The following CNTNAP5 variants were observed in gnomAD, a reference collection of about 807,000 sequenced individuals.
CNTNAP5 encodes the protein contactin associated protein family member 5.
In CNTNAP5, 72 loss-of-function variants were observed where a neutral mutation model predicts 150.2. That is an observed-to-expected ratio of 0.48 (90% CI 0.40 to 0.58). The LOEUF (loss-of-function observed/expected upper bound fraction) is 0.58. Among genes scored for constraint, CNTNAP5 ranks in the 20% least tolerant of loss-of-function variants. CNTNAP5 has a pLI of 0.00. For synonymous variants in CNTNAP5, 672 were observed against 619.8 expected (o/e 1.08, Z -1.25); for missense variants, 1,636 against 1,626.2 (o/e 1.01, Z -0.10).
intron 6 of CNTNAP5, among the ~76,000 whole-genome samples, chr2:124,454,492 G>T (rs949807153): frequency 2.0e-5 from 3 of 152,082 alleles, no homozygotes; most frequent in Non-Finnish European, 2.9e-5. Flanking sequence ...AGGTCATCAA[G>T]ACAGAAAGTC....
At chr2:124,852,938 G>A (rs1683187132) in intron 19 of CNTNAP5, among the ~76,000 whole-genome samples, 3 of 152,216 alleles carry the variant, frequency 2.0e-5, no homozygotes, top group Non-Finnish European at 4.4e-5. Context: ...GTGCCATTAT[G>A]TGAGGTGGTA....
intron 12 of CNTNAP5, among the ~76,000 whole-genome samples, chr2:124,630,311 AC>A (rs1210869408): frequency 1.3e-5 from 2 of 152,108 alleles, no homozygotes; most frequent in Non-Finnish European, 2.9e-5. Context: ...GAACATTGAT[AC>A]AAAAATCTCC....
At chr2:124,625,005 A>G (rs145321354) in intron 12 of CNTNAP5, among the ~76,000 whole-genome samples, 5 of 152,326 alleles carry the variant, frequency 3.3e-5, no homozygotes, top group African/African-American at 1.2e-4. Context: ...CAAGGAGCAA[A>G]CGGTAAAGCC....
intron 1 of CNTNAP5, among the ~76,000 whole-genome samples, chr2:124,028,175 A>G (rs1680949094): frequency 6.6e-6 from 1 of 152,152 alleles, no homozygotes. Context: ...AAATGGATTT[A>G]CTAACCCAAT....
intron 8 of CNTNAP5, among the ~76,000 whole-genome samples, chr2:124,511,493 C>G (rs1297759389): frequency 6.6e-6 from 1 of 152,208 alleles, no homozygotes; most frequent in Admixed American, 6.5e-5. Flanking sequence ...CGTCAGCCTA[C>G]CTGTGCTCTA....
At chr2:124,844,173 G>A (rs1683000326) in intron 19 of CNTNAP5, among the ~76,000 whole-genome samples, 1 of 151,978 alleles carries the variant, frequency 6.6e-6, no homozygotes, top group Non-Finnish European at 1.5e-5. Context: ...GATCCATCTT[G>A]AGTTAATTTT....
At position 124,379,368 on chromosome 2, in the gene CNTNAP5, C is replaced by T. The variant is rs145998165; in HGVS notation, c.382-38075C>T. Reference sequence around the variant, plus strand: ...TCCCCTGACCCCCAGCAGCTGCTGACCTTTTTGCTGTTTCCATAGTTTTGT... The same window carrying T: ...TCCCCTGACCCCCAGCAGCTGCTGATCTTTTTGCTGTTTCCATAGTTTTGT... On this transcript the variant is annotated intron_variant, in intron 3 of 23. Transcript: ENST00000682447. Among the ~76,000 whole-genome samples the T allele has an allele frequency of 1.7e-4, 26 of 152,042 alleles. No individual in the cohort carries two copies. In the East Asian group the frequency reaches 3.1e-3, roughly 18 times the overall value.
chr2:124,348,077 GCGT>G (rs1689786446), intron 3 of CNTNAP5, among the ~76,000 whole-genome samples: 2 of 151,986 alleles, frequency 1.3e-5, no homozygotes. Context: ...TGAGCCGCCC[GCGT>G]CGGCCTCCCT....
At chr2:124,094,217 AC>A (rs1170476486) in intron 1 of CNTNAP5, among the ~76,000 whole-genome samples, 1 of 152,230 alleles carries the variant, frequency 6.6e-6, no homozygotes, top group Non-Finnish European at 1.5e-5. Flanking sequence ...AGTAAATAAC[AC>A]TTTTAACATG....
chr2:124,753,536 A>G (rs1680775527), intron 14 of CNTNAP5, among the ~76,000 whole-genome samples: 1 of 152,190 alleles, frequency 6.6e-6, no homozygotes, highest in Non-Finnish European at 1.5e-5. Context: ...TTTGCTACAG[A>G]TTGATTTTCT....
intron 8 of CNTNAP5, among the ~76,000 whole-genome samples, chr2:124,522,300 G>T (rs1694862942): frequency 2.0e-5 from 3 of 152,132 alleles, no homozygotes; most frequent in Non-Finnish European, 4.4e-5. Context: ...TATTTTACCT[G>T]CAGAAATAGC....
rs141210187 is a variant in CNTNAP5 at position 124,891,092 on chromosome 2, T to G, written c.3437-11790T>G. On this transcript the variant is annotated intron_variant, in intron 21 of 23. Coordinates refer to ENST00000682447, the MANE Select transcript of CNTNAP5 (RefSeq NM_001367498.1). Reference sequence around the variant, plus strand: ...TCCATTTTATAATATCTCACCATTTTGTGGGTTAGAAAGTTAGGCGGATCC... The same window carrying G: ...TCCATTTTATAATATCTCACCATTTGGTGGGTTAGAAAGTTAGGCGGATCC... Among the ~76,000 whole-genome samples the G allele has an allele frequency of 2.7e-3, 410 of 152,236 alleles. 5 individuals carry two copies. Among genetic ancestry groups the G allele is most frequent in the African/African-American group, 9.0e-3 (376 of 41,550 alleles).
chr2:124,916,089 T>C lies in CNTNAP5; in HGVS notation c.*1801T>C, dbSNP rs147115934. ...TTTCAAACACAGCTTTTCTTTCAGT[T>C]TCAGAGCTTATGAGTTAAGGATTTA... On this transcript the variant is annotated 3_prime_UTR_variant, in exon 24 of 24. Coordinates refer to ENST00000682447, the MANE Select transcript of CNTNAP5 (RefSeq NM_001367498.1). Among the ~76,000 whole-genome samples, 19 of 152,204 alleles carry C rather than the reference T, an allele frequency of 1.2e-4. No homozygotes were observed. The highest frequency in any genetic ancestry group is 4.6e-4 in the African/African-American group (19 of 41,564).
At chr2:124,280,932 C>T (rs1454366114) in intron 3 of CNTNAP5, among the ~76,000 whole-genome samples, 1 of 152,154 alleles carries the variant, frequency 6.6e-6, no homozygotes, top group East Asian at 1.9e-4. Flanking sequence ...CCAAAATATT[C>T]ATTAAGCTGT....
chr2:124,400,669 G>GTTTTTTTTTTTTTTTTTTTTT (rs760418441), intron 3 of CNTNAP5, among the ~76,000 whole-genome samples: 19 of 84,486 alleles, frequency 2.2e-4, no homozygotes, highest in African/African-American at 4.1e-4. Context: ...TAAAGGCATT[G>GTTTTTTTTTTTTTTTTTTTTT]TTTTTTTTTT....
chr2:124,208,087 A>G (rs903681136), intron 1 of CNTNAP5, among the ~76,000 whole-genome samples: 23 of 152,322 alleles, frequency 1.5e-4, no homozygotes, highest in African/African-American at 4.3e-4. Context: ...TCCCCAAAAA[A>G]TCATTATCTA....
chr2:124,896,295 G>A (rs1442639276), intron 21 of CNTNAP5, among the ~76,000 whole-genome samples: 2 of 151,370 alleles, frequency 1.3e-5, no homozygotes, highest in African/African-American at 4.9e-5. Context: ...ACACATACAT[G>A]AATGTCACTG....
chr2:124,072,031 T>C (rs1269190792), intron 1 of CNTNAP5, among the ~76,000 whole-genome samples: 2 of 151,954 alleles, frequency 1.3e-5, no homozygotes, highest in Non-Finnish European at 2.9e-5. Flanking sequence ...AGATTATTTG[T>C]TATGAATAAG....
intron 19 of CNTNAP5, among the ~76,000 whole-genome samples, chr2:124,848,107 C>T (rs1411674218): frequency 1.3e-5 from 2 of 152,104 alleles, no homozygotes; most frequent in Admixed American, 6.6e-5. Context: ...CATCTATCAC[C>T]ACCCATGCTT....
Sources: gnomAD v4.1 joint callset for allele counts (sites outside exome capture counted in the v4.1 genomes callset) on GRCh38, gnomAD v4.1.1 for gene constraint, MANE v1.5 for transcripts, NCBI Gene and HGNC (gene_info 2026-07-23, HGNC 2026-07-21) for gene names.